Variants in SYCP1 observed in about 807,000 individuals in gnomAD.
The protein encoded by SYCP1 is cancer/testis antigen 8.
In SYCP1, 64 loss-of-function variants were observed where a neutral mutation model predicts 153.1. That is an observed-to-expected ratio of 0.42 (90% CI 0.34 to 0.51). The LOEUF (loss-of-function observed/expected upper bound fraction) is 0.51, where lower values mean the gene tolerates loss of function less well. Ranked by LOEUF, SYCP1 falls within the 20% of genes least tolerant of loss-of-function variation. The pLI, the probability that SYCP1 is intolerant of heterozygous loss-of-function variation, is 0.06. For synonymous variants in SYCP1, 384 were observed against 341.8 expected (o/e 1.12, Z -1.36); for missense variants, 997 against 1,049.0 (o/e 0.95, Z 0.68).
chr1:114,936,060 G>T (rs1199649430), intron 23 of SYCP1, among the ~76,000 whole-genome samples: 5 of 152,160 alleles, frequency 3.3e-5, no homozygotes, highest in African/African-American at 1.2e-4. Context: ...TATGAGGCCA[G>T]CATCATCCTG....
chr1:114,993,022 T>G (rs979474028), intron 30 of SYCP1, among the ~76,000 whole-genome samples: 2 of 151,406 alleles, frequency 1.3e-5, no homozygotes, highest in Non-Finnish European at 3.0e-5. Context: ...TATAAACACA[T>G]GAAAAGATGA....
chr1:114,984,443 GTC>G (rs1673367311), intron 29 of SYCP1, among the ~76,000 whole-genome samples: 1 of 151,970 alleles, frequency 6.6e-6, no homozygotes, highest in African/African-American at 2.4e-5. Flanking sequence ...GAGTGTGTCT[GTC>G]TCTCTGTTTC....
chr1:114,967,740 ATTTTGCC>A, intron 27 of SYCP1, among the ~76,000 whole-genome samples: 1 of 150,226 alleles, frequency 6.7e-6, no homozygotes, highest in Non-Finnish European at 1.5e-5. Context: ...CTAGCTGGTT[ATTTTGCC>A]CATTAGTTGA....
chr1:114,927,003 T>G (rs1431405876), intron 23 of SYCP1, among the ~76,000 whole-genome samples: 1 of 152,124 alleles, frequency 6.6e-6, no homozygotes, highest in Admixed American at 6.5e-5. Context: ...GCTCCTGATA[T>G]TAGAGCCATA....
chr1:114,994,586 C>A, intron 30 of SYCP1, 112 bp from the exon 31 acceptor site: 1 of 723,030 alleles, frequency 1.4e-6, no homozygotes, highest in South Asian at 4.1e-5. Flanking sequence ...CCTTCTACAT[C>A]CTTCCTCTTT....
chr1:114,947,393 A>G (rs1670780241), intron 27 of SYCP1, 73 bp downstream of exon 27: 11 of 970,518 alleles, frequency 1.1e-5, no homozygotes, highest in Non-Finnish European at 1.1e-5. Flanking sequence ...GAATTATGTC[A>G]TATTATAAAA....
intron 25 of SYCP1, among the ~76,000 whole-genome samples, chr1:114,945,506 A>G (rs186152703): frequency 7.8e-4 from 115 of 147,866 alleles, no homozygotes; most frequent in Non-Finnish European, 1.3e-3. Context: ...CTATTCAATT[A>G]AAAAAAAAAG....
chr1:114,931,637 TA>T (rs1240065866), intron 23 of SYCP1, among the ~76,000 whole-genome samples: 1 of 152,174 alleles, frequency 6.6e-6, no homozygotes, highest in Non-Finnish European at 1.5e-5. Flanking sequence ...TTAATGTTTT[TA>T]AAATGTCAGA....
chr1:114,983,869 C>A (rs748300714), intron 29 of SYCP1, among the ~76,000 whole-genome samples: 9 of 151,806 alleles, frequency 5.9e-5, no homozygotes, highest in Non-Finnish European at 1.0e-4. Flanking sequence ...CATTACTCTG[C>A]CATTTGTACT....
intron 8 of SYCP1, among the ~76,000 whole-genome samples, chr1:114,871,571 TTGTC>T (rs1395507917): frequency 1.3e-5 from 2 of 152,072 alleles, no homozygotes; most frequent in Non-Finnish European, 2.9e-5. Context: ...TTTTGTTTGT[TTGTC>T]TGTTTTTTGT....
At chr1:114,972,595 G>A (rs565224058) in intron 27 of SYCP1, among the ~76,000 whole-genome samples, 86 of 152,034 alleles carry the variant, frequency 5.7e-4, no homozygotes, top group Admixed American at 9.2e-4. Flanking sequence ...AGATTTTGTT[G>A]TTGTATTCCA....
intron 8 of SYCP1, among the ~76,000 whole-genome samples, chr1:114,865,712 A>G (rs1369201838): frequency 2.6e-5 from 4 of 152,216 alleles, no homozygotes; most frequent in Non-Finnish European, 4.4e-5. Context: ...TAATTGTCCA[A>G]AGTTCATAGT....
At chr1:114,943,654 G>A (rs956132286) in intron 23 of SYCP1, among the ~76,000 whole-genome samples, 12 of 151,660 alleles carry the variant, frequency 7.9e-5, no homozygotes, top group African/African-American at 2.7e-4. Context: ...AGAGGGAGGG[G>A]CATTTAATAG....
chr1:114,973,652 G>A (rs1672630186), intron 27 of SYCP1, among the ~76,000 whole-genome samples: 1 of 151,826 alleles, frequency 6.6e-6, no homozygotes, highest in Non-Finnish European at 1.5e-5. Context: ...TGTTTTTGTT[G>A]TTGAATGTAT....
intron 16 of SYCP1, 39 bp from the exon 17 acceptor site, chr1:114,910,358 A>G (rs200434951): frequency 1.9e-5 from 27 of 1,393,182 alleles, no homozygotes; most frequent in East Asian, 1.9e-4. Flanking sequence ...CACTATGTGT[A>G]TGGTTTGGCA....
chr1:114,947,298 T>G lies in SYCP1; in HGVS notation c.2300T>G (p.Leu767Arg), dbSNP rs748231547. 1.2e-6 allele frequency: 2 copies of G among 1,612,916 alleles called. No homozygotes were observed. Among genetic ancestry groups the G allele is most frequent in the Non-Finnish European group, 1.7e-6 (2 of 1,179,520 alleles). ...GAACTTTTGTCTGTTAAGAAGCAAC[T>G]TGAAATAGAAAGAGAAGAGAAGGTA... ...KAELLSVKKQ[L>R]EIEREEKEKL... The change falls in exon 27 of 32, where the codon CTT (leucine) becomes CGT (arginine). Residue 767 changes from leucine to arginine, a missense_variant. Leu to Arg is a moderately radical substitution (Grantham distance 102, BLOSUM62 -2). Around this residue, in one of 2 missense-constraint regions of SYCP1, gnomAD observed 712 missense variants for 682.9 expected, o/e 1.04. Coordinates refer to ENST00000369522, the MANE Select transcript of SYCP1 (RefSeq NM_003176.4).
chr1:114,954,711 G>A (rs1001468495), intron 27 of SYCP1, among the ~76,000 whole-genome samples: 2 of 152,076 alleles, frequency 1.3e-5, no homozygotes, highest in Non-Finnish European at 2.9e-5. Context: ...TTCCCGAGCA[G>A]CTGGGACTAC....
chr1:114,897,427 T>A (rs1667144810), intron 16 of SYCP1, among the ~76,000 whole-genome samples: 1 of 152,216 alleles, frequency 6.6e-6, no homozygotes, highest in East Asian at 1.9e-4. Flanking sequence ...TCCCAAGGCC[T>A]TTTACCAGTT....
At chr1:114,874,041 T>C (rs1048912868) in intron 8 of SYCP1, among the ~76,000 whole-genome samples, 1 of 152,156 alleles carries the variant, frequency 6.6e-6, no homozygotes, top group Admixed American at 6.6e-5. Flanking sequence ...CTCCACATAG[T>C]GTATCTCTCA....
Sources: gnomAD v4.1 joint callset for allele counts (sites outside exome capture counted in the v4.1 genomes callset) on GRCh38, gnomAD v4.1.1 for gene constraint, gnomAD v4.1.1 regional missense constraint, MANE v1.5 for transcripts, NCBI Gene and HGNC (gene_info 2026-07-23, HGNC 2026-07-21) for gene names.